The following ADAMTSL1 variants were observed in gnomAD, a reference collection of about 807,000 sequenced individuals.
ADAMTSL1 encodes the protein ADAMTS-like protein 1.
In ADAMTSL1, 126 loss-of-function variants were observed where a neutral mutation model predicts 201.8. The ratio of observed to expected loss-of-function variants is 0.62; its 90% CI spans 0.54 to 0.72. ADAMTSL1 has a LOEUF of 0.72. ADAMTSL1 is among the 30% of genes least tolerant of loss of function. The pLI is 0.00. For synonymous variants in ADAMTSL1, 1,121 were observed against 903.4 expected (o/e 1.24, Z -4.32); for missense variants, 2,679 against 2,277.8 (o/e 1.18, Z -3.59).
Position 18,661,985 on chromosome 9 carries a change from G to C in ADAMTSL1, c.997G>C (p.Val333Leu), listed in dbSNP as rs764202410. 7.4e-6 allele frequency: 12 copies of C among 1,613,942 alleles called. No individual in the cohort carries two copies. The highest frequency in any genetic ancestry group is 1.0e-5 in the Non-Finnish European group (12 of 1,179,960). The change falls in exon 9 of 29, where the codon GTT (valine) becomes CTT (leucine). Residue 333 changes from valine (V) to leucine (L), a missense_variant. Transcript: ENST00000380548. ...CTACGATCTGAGGAGCAACCGTGTG[G>C]TTGCTGACCAATACTGTCACTATTA... ...ECYDLRSNRV[V>L]ADQYCHYYPE...
At chr9:18,165,664 A>G (rs1463711178) in intron 2 of ADAMTSL1, among the ~76,000 whole-genome samples, 2 of 151,922 alleles carry the variant, frequency 1.3e-5, no homozygotes, top group Non-Finnish European at 2.9e-5. Flanking sequence ...CTGGAATTTT[A>G]CAAGAAAAAG....
intron 1 of ADAMTSL1, among the ~76,000 whole-genome samples, chr9:18,150,506 G>C (rs1826860488): frequency 6.6e-6 from 1 of 152,080 alleles, no homozygotes; most frequent in Admixed American, 6.6e-5. Context: ...TGTTTGCTGA[G>C]TTTGTGGAGT....
intron 1 of ADAMTSL1, among the ~76,000 whole-genome samples, chr9:17,988,179 G>A (rs1819001399): frequency 6.6e-6 from 1 of 151,976 alleles, no homozygotes; most frequent in East Asian, 1.9e-4. Context: ...ACGCTTTATT[G>A]GCATTGTTTT....
intron 17 of ADAMTSL1, among the ~76,000 whole-genome samples, chr9:18,774,277 G>C (rs118095126): frequency 0.01 from 1,563 of 151,976 alleles, 15 homozygotes; most frequent in Non-Finnish European, 0.015. Flanking sequence ...GCTTCCCACT[G>C]CCTTATGGAC....
intron 3 of ADAMTSL1, among the ~76,000 whole-genome samples, chr9:18,551,065 G>C (rs1174353181): frequency 1.3e-5 from 2 of 151,802 alleles, no homozygotes; most frequent in South Asian, 2.1e-4. Flanking sequence ...TTTAATAGAA[G>C]CTAGGAAAAG....
At chr9:18,137,621 T>C (rs1001696465) in intron 1 of ADAMTSL1, among the ~76,000 whole-genome samples, 2 of 152,160 alleles carry the variant, frequency 1.3e-5, no homozygotes, top group Non-Finnish European at 2.9e-5. Flanking sequence ...CTGGGATTTA[T>C]ATAACGACTT....
intron 2 of ADAMTSL1, among the ~76,000 whole-genome samples, chr9:18,437,201 T>A (rs1055428110): frequency 6.6e-6 from 1 of 152,048 alleles, no homozygotes; most frequent in African/African-American, 2.4e-5. Flanking sequence ...CTTATCTTCA[T>A]TTCCCAACTT....
intron 2 of ADAMTSL1, among the ~76,000 whole-genome samples, chr9:18,263,660 C>CT (rs1276198220): frequency 1.3e-5 from 2 of 152,168 alleles, no homozygotes; most frequent in East Asian, 3.9e-4. Flanking sequence ...CCCAGTGGGG[C>CT]TGTATTTGGA....
At chr9:18,735,502 A>G (rs779321174) in intron 15 of ADAMTSL1, among the ~76,000 whole-genome samples, 1 of 152,196 alleles carries the variant, frequency 6.6e-6, no homozygotes, top group Non-Finnish European at 1.5e-5. Context: ...TCATTGGAAG[A>G]TTTGCTTAAC....
At chr9:18,656,547 T>G (rs1828680022) in intron 7 of ADAMTSL1, among the ~76,000 whole-genome samples, 1 of 144,008 alleles carries the variant, frequency 6.9e-6, no homozygotes, top group South Asian at 2.1e-4. Context: ...AAGAATGGTG[T>G]GAACCCGGGA....
rs562785011 is a variant in ADAMTSL1 at position 18,040,058 on chromosome 9, T to C, written c.88-123804T>C. 1.9e-4 allele frequency among the ~76,000 whole-genome samples: 29 copies of C among 152,332 alleles called. 1 individual carries two copies. Among genetic ancestry groups the C allele is most frequent in the African/African-American group, 6.7e-4 (28 of 41,578 alleles). The stretch of plus-strand genomic sequence containing the variant: ...CCTATGTCTTGGCATTTTGTCTGTT[T>C]TGTCATTTATTCAGCATTATTTTAT... On this transcript the variant is annotated intron_variant, in intron 1 of 29. Coordinates refer to the ADAMTSL1 transcript ENST00000680146.
chr9:18,322,052 A>G (rs541703952), intron 2 of ADAMTSL1, among the ~76,000 whole-genome samples: 1 of 152,212 alleles, frequency 6.6e-6, no homozygotes, highest in Non-Finnish European at 1.5e-5. Context: ...CAGGTAAGAC[A>G]TCAATGAGAG....
chr9:18,163,228 C>T (rs569978806), intron 1 of ADAMTSL1, among the ~76,000 whole-genome samples: 4 of 152,122 alleles, frequency 2.6e-5, no homozygotes, highest in African/African-American at 7.2e-5. Flanking sequence ...ACCCTTTGTG[C>T]CTTTAGTTCC....
intron 1 of ADAMTSL1, among the ~76,000 whole-genome samples, chr9:18,039,737 T>C (rs1446763646): frequency 1.3e-5 from 2 of 152,178 alleles, no homozygotes; most frequent in Non-Finnish European, 2.9e-5. Context: ...TCAGCCTGTT[T>C]CTCTTACTAC....
chr9:18,201,106 C>G (rs1353629508), intron 2 of ADAMTSL1, among the ~76,000 whole-genome samples: 3 of 151,962 alleles, frequency 2.0e-5, no homozygotes, highest in African/African-American at 7.2e-5. Flanking sequence ...TGTATTAAAA[C>G]TTAAGATGTC....
At chr9:18,562,056 C>T (rs1564050217) in intron 3 of ADAMTSL1, among the ~76,000 whole-genome samples, 1 of 152,128 alleles carries the variant, frequency 6.6e-6, no homozygotes, top group Non-Finnish European at 1.5e-5. Flanking sequence ...GAATCTGATC[C>T]TGTCATTATG....
chr9:18,743,600 T>A (rs1483212911), intron 15 of ADAMTSL1, among the ~76,000 whole-genome samples: 1 of 152,178 alleles, frequency 6.6e-6, no homozygotes, highest in Non-Finnish European at 1.5e-5. Context: ...GCTCTCACTA[T>A]TTTTACGGAG....
chr9:18,672,958 G>C (rs951282577), intron 9 of ADAMTSL1, among the ~76,000 whole-genome samples: 2 of 152,190 alleles, frequency 1.3e-5, no homozygotes, highest in African/African-American at 4.8e-5. Flanking sequence ...CAGTGTAAGA[G>C]AAACAATGTA....
At chr9:18,275,176 A>C (rs1832537880) in intron 2 of ADAMTSL1, among the ~76,000 whole-genome samples, 1 of 152,166 alleles carries the variant, frequency 6.6e-6, no homozygotes, top group Non-Finnish European at 1.5e-5. Flanking sequence ...CTAATTTCAA[A>C]AGACCTCTTA....
Sources: allele counts gnomAD v4.1 joint callset (sites outside exome capture counted in the v4.1 genomes callset), GRCh38; gene constraint gnomAD v4.1.1; transcripts MANE v1.5; gene names NCBI Gene and HGNC (gene_info 2026-07-23, HGNC 2026-07-21).